SMG7: variants seen among roughly 807,000 people sequenced by gnomAD.
SMG7 encodes SMG7 nonsense mediated mRNA decay factor, also known as nonsense-mediated mRNA decay factor SMG7.
A neutral mutation model predicts 148.2 loss-of-function variants in SMG7; 34 were observed. The ratio of observed to expected loss-of-function variants is 0.23; its 90% CI spans 0.17 to 0.31. SMG7 has a LOEUF of 0.31. SMG7 is among the 10% of genes least tolerant of loss of function. The probability of loss-of-function intolerance (pLI) is 1.00; values close to 1 mark genes in which losing one functional copy is unlikely to be tolerated. For missense variants in SMG7, 1,114 were observed against 1,408.4 expected (o/e 0.79, Z 3.35); for synonymous variants, 492 against 515.1 (o/e 0.96, Z 0.61).
chr1:183,546,292 A>C lies in SMG7; in HGVS notation c.2697A>C (p.Gly899=), dbSNP rs747442224. The part of the protein sequence containing the change: ...NIDRRGKRSP[G]VFRPEQDPVP... ...ACCGCAGGGGCAAACGGTCACCAGGAGTCTTCCGTCCAGAGCAGGATCCTG... is the reference window on the plus strand; with the variant it reads ...ACCGCAGGGGCAAACGGTCACCAGGCGTCTTCCGTCCAGAGCAGGATCCTG... Residue 899 remains glycine, a synonymous_variant, in exon 17 of 23, where the codon GGA becomes GGC. Coordinates refer to ENST00000688051, the MANE Select transcript of SMG7 (RefSeq NM_001375584.1). The C allele has an allele frequency of 6.2e-7, 1 of 1,613,992 alleles. No individual in the cohort carries two copies. The highest frequency in any genetic ancestry group is 1.1e-5 in the South Asian group (1 of 91,084).
intron 1 of SMG7, among the ~76,000 whole-genome samples, chr1:183,484,449 C>T (rs1177537656): frequency 6.6e-6 from 1 of 151,168 alleles, no homozygotes. Context: ...CAATAACCCT[C>T]ATGCTTTCTG....
At position 183,533,695 on chromosome 1, in the gene SMG7, G is replaced by GTGC. The variant is rs1558037060; in HGVS notation, c.1027_1029dup (p.Cys343dup). 17 of 1,607,714 alleles carry GTGC rather than the reference G, an allele frequency of 1.1e-5. No homozygotes were observed. Among genetic ancestry groups the GTGC allele is most frequent in the Middle Eastern group, 1.7e-4 (1 of 6,040 alleles). ...TTCAAGTGTCTTTTCTTGGCATCCT[G>GTGC]TGCAAGTGTCCTCTACAGAATGAGT... On this transcript the variant is annotated inframe_insertion, in exon 10 of 23. Transcript: ENST00000688051.
intron 8 of SMG7, among the ~76,000 whole-genome samples, chr1:183,529,794 A>G (rs574202214): frequency 1.3e-5 from 2 of 152,272 alleles, no homozygotes; most frequent in African/African-American, 4.8e-5. Flanking sequence ...AAAAAAATAA[A>G]TAACTCCTCA....
intron 1 of SMG7, among the ~76,000 whole-genome samples, chr1:183,477,527 CAT>C (rs1440023866): frequency 5.3e-5 from 6 of 112,814 alleles, no homozygotes; most frequent in African/African-American, 1.8e-4. Context: ...CATGTGTGTG[CAT>C]ATGTGTATAT....
chr1:183,551,228 A>C (rs975406931), intron 22 of SMG7, 38 bp downstream of exon 22: 29 of 1,534,874 alleles, frequency 1.9e-5, no homozygotes, highest in Non-Finnish European at 2.4e-5. Context: ...CAAGATTATT[A>C]CAGCAAAGGT....
intron 20 of SMG7, 37 bp from the exon 21 acceptor site, chr1:183,550,702 GTTTGTGAAACAA>G: frequency 6.3e-7 from 1 of 1,576,168 alleles, no homozygotes; most frequent in Non-Finnish European, 8.7e-7. Context: ...TTCTTTGTAT[GTTTGTGAAACAA>G]TGATTTACTA....
rs1237904538 is a variant in SMG7 at position 183,529,427 on chromosome 1, T to G, written c.737T>G (p.Val246Gly). Residue 246 changes from valine to glycine, a missense_variant, in exon 8 of 23, where the codon GTT becomes GGT. Physicochemically the swap from Val to Gly is moderately radical, Grantham distance 109. Coordinates refer to ENST00000688051, the MANE Select transcript of SMG7 (RefSeq NM_001375584.1). ...SRDEVKTKWG[V>G]SDFIKAFIKF... ...GATGAGGTGAAAACCAAGTGGGGTG[T>G]TTCTGACTTCATCAAGGCCTTTATT... 6.2e-7 allele frequency: 1 copy of G among 1,613,384 alleles called. No individual in the cohort carries two copies. The highest frequency in any genetic ancestry group is 8.5e-7 in the Non-Finnish European group (1 of 1,179,516).
At chr1:183,501,214 T>TC (rs1659636723) in intron 1 of SMG7, 1 of 152,144 alleles carries the variant, frequency 6.6e-6, no homozygotes, top group Non-Finnish European at 1.5e-5. Context: ...CAAGGAACAG[T>TC]CCTAAGTGCT....
At chr1:183,526,254 T>A (rs1313215459) in intron 4 of SMG7, among the ~76,000 whole-genome samples, 1 of 151,204 alleles carries the variant, frequency 6.6e-6, no homozygotes, top group Non-Finnish European at 1.5e-5. Context: ...GTTCAAGCGA[T>A]TCTTGTGCCT....
intron 4 of SMG7, among the ~76,000 whole-genome samples, chr1:183,520,395 A>G (rs1366847309): frequency 2.0e-5 from 3 of 152,182 alleles, no homozygotes; most frequent in African/African-American, 4.8e-5. Context: ...GCTTTCAACT[A>G]TGCTCTGTTG....
intron 12 of SMG7, among the ~76,000 whole-genome samples, chr1:183,539,647 C>A (rs554970830): frequency 6.6e-6 from 1 of 152,310 alleles, no homozygotes; most frequent in Non-Finnish European, 1.5e-5. Context: ...AGCCAAAAAG[C>A]AATCTTCTTT....
Position 183,472,508 on chromosome 1 carries a change from G to C in SMG7, c.-113G>C. 9.8e-7 allele frequency: 1 copy of C among 1,016,030 alleles called. No individual in the cohort carries two copies. Among genetic ancestry groups the C allele is most frequent in the East Asian group, 3.2e-5 (1 of 31,566 alleles). 62.9% of individuals were successfully genotyped at this position (1,016,030 alleles called of 1,614,324 possible). On this transcript the variant is annotated 5_prime_UTR_variant, in exon 1 of 23. Coordinates refer to ENST00000688051, the MANE Select transcript of SMG7 (RefSeq NM_001375584.1). The stretch of plus-strand genomic sequence containing the variant: ...CCCCCTGCCGAGCGAGGAGGAGCCG[G>C]AGGAGAGGAAGATGGCGGCGGCCGC...
intron 4 of SMG7, among the ~76,000 whole-genome samples, chr1:183,523,545 T>C (rs906349876): frequency 1.3e-5 from 2 of 152,232 alleles, no homozygotes; most frequent in Non-Finnish European, 2.9e-5. Flanking sequence ...AGGAAACTAC[T>C]ACAAAGTAAT....
Position 183,531,114 on chromosome 1 carries a change from C to T in SMG7, c.843+1581C>T, listed in dbSNP as rs962477371. Among the ~76,000 whole-genome samples the T allele has an allele frequency of 3.9e-5, 6 of 152,186 alleles. 1 individual carries two copies. In the South Asian group the frequency reaches 1.2e-3, roughly 32 times the overall value. On this transcript the variant is annotated intron_variant, in intron 8 of 22. Coordinates refer to ENST00000688051, the MANE Select transcript of SMG7 (RefSeq NM_001375584.1). ...ATTTGAAAGCTTACCCAGTGTTGAA[C>T]TAGAACATTGCTGGAGTGAAATTTT...
chr1:183,479,789 A>G (rs1653620106), intron 1 of SMG7, among the ~76,000 whole-genome samples: 2 of 152,162 alleles, frequency 1.3e-5, no homozygotes, highest in African/African-American at 2.4e-5. Flanking sequence ...TTATTCCAAC[A>G]GAGGTGGAGA....
At position 183,514,216 on chromosome 1, in the gene SMG7, C is replaced by CAAAA. The variant is rs36125833; in HGVS notation, c.61+1362_61+1365dup. Among the ~76,000 whole-genome samples, 129 of 99,148 alleles carry CAAAA rather than the reference C, an allele frequency of 1.3e-3. 2 individuals are homozygous for CAAAA. The East Asian group carries it at 0.013, about 10-fold the overall frequency. 65.0% of individuals were successfully genotyped at this position (99,148 alleles called of 152,430 possible). ...TAATTTAGTTCTGCAGTGAAATTCA[C>CAAAA]AAAAAAAAAAAAAAAAAGAATTAAA... On this transcript the variant is annotated intron_variant, in intron 2 of 22. Transcript: ENST00000688051.
In SMG7 at chr1:183,552,792, C is replaced by T; in HGVS notation, c.*861C>T. 7.1e-7 allele frequency: 1 copy of T among 1,413,362 alleles called. No homozygotes were observed. Among genetic ancestry groups the T allele is most frequent in the East Asian group, 2.5e-5 (1 of 39,250 alleles). 87.6% of individuals were successfully genotyped at this position (1,413,362 alleles called of 1,614,324 possible). A position where few individuals can be genotyped will look rare whatever the true frequency, so the allele number is the denominator to read the frequency against. ...CAGTCTCACAGAAGGCAGGCTAGTCCATTCACAGCCTGACACGTTCTAATA... is the reference window on the plus strand; with the variant it reads ...CAGTCTCACAGAAGGCAGGCTAGTCTATTCACAGCCTGACACGTTCTAATA... On this transcript the variant is annotated 3_prime_UTR_variant, in exon 23 of 23. Coordinates refer to ENST00000688051, the MANE Select transcript of SMG7 (RefSeq NM_001375584.1).
In SMG7 at chr1:183,546,222, G is replaced by C. The variant is rs772407518; in HGVS notation, c.2627G>C (p.Ser876Thr). ...VPEFYWDSSY[S>T]MADNRSVMAQ... ...GAATTCTACTGGGATTCTTCCTACAGCATGGCTGATAACAGATCTGTAATG... is the reference window on the plus strand; with the variant it reads ...GAATTCTACTGGGATTCTTCCTACACCATGGCTGATAACAGATCTGTAATG... Residue 876 changes from serine to threonine, a missense_variant, in exon 17 of 23, where the codon AGC becomes ACC. Transcript: ENST00000688051. 3.1e-6 allele frequency: 5 copies of C among 1,613,912 alleles called. No individual in the cohort carries two copies. In the African/African-American group the frequency reaches 6.7e-5, roughly 22 times the overall value.
At chr1:183,541,318 G>A (rs950670407) in intron 13 of SMG7, among the ~76,000 whole-genome samples, 2 of 152,194 alleles carry the variant, frequency 1.3e-5, no homozygotes, top group Admixed American at 6.5e-5. Context: ...TAGAATCTCT[G>A]TTCTCCCTAT....
Sources: allele counts gnomAD v4.1 joint callset (sites outside exome capture counted in the v4.1 genomes callset), GRCh38; gene constraint gnomAD v4.1.1; transcripts MANE v1.5; gene names NCBI Gene and HGNC (gene_info 2026-07-23, HGNC 2026-07-21).